Variants in DTNBP1 observed in about 807,000 individuals in gnomAD.
DTNBP1 encodes dystrobrevin binding protein 1.
A neutral mutation model predicts 42.8 loss-of-function variants in DTNBP1; 35 were observed. The ratio of observed to expected loss-of-function variants is 0.82; its 90% CI spans 0.63 to 1.09. DTNBP1 has a LOEUF of 1.09. Ranked by LOEUF, DTNBP1 falls within the 50% of genes least tolerant of loss-of-function variation. The pLI is 0.00. For missense variants in DTNBP1, 457 were observed against 424.2 expected (o/e 1.08, Z -0.68); for synonymous variants, 171 against 162.2 (o/e 1.05, Z -0.41).
At chr6:15,582,890 C>A (rs1424043884) in intron 7 of DTNBP1, among the ~76,000 whole-genome samples, 1 of 152,116 alleles carries the variant, frequency 6.6e-6, no homozygotes, top group South Asian at 2.1e-4. Context: ...AATATTATTC[C>A]AATGCTTCTT....
chr6:15,523,149 C>T lies in DTNBP1; in HGVS notation c.882G>A (p.Lys294=), dbSNP rs200370900. 2.5e-6 allele frequency: 4 copies of T among 1,614,234 alleles called. No homozygotes were observed. The East Asian group carries it at 8.9e-5, about 36-fold the overall frequency. Reference sequence around the variant, plus strand: ...TGCAGGTGGAGGAAGAAGAAGGTGGCTTGGCTCTTAATTCTGAGGGATTTG... The same window carrying T: ...TGCAGGTGGAGGAAGAAGAAGGTGGTTTGGCTCTTAATTCTGAGGGATTTG... ...QVPNPSELRA[K]PPSSSSTCTD... is the part of the protein sequence containing the mutation. The change falls in exon 10 of 10, where the codon AAG becomes AAA. Residue 294 remains lysine (K), a synonymous_variant. Coordinates refer to ENST00000344537, the MANE Select transcript of DTNBP1 (RefSeq NM_032122.5).
intron 1 of DTNBP1, 54 bp from the exon 2 acceptor site, chr6:15,652,194 T>A: frequency 7.0e-7 from 1 of 1,430,390 alleles, no homozygotes; most frequent in Non-Finnish European, 9.6e-7. Context: ...TTATTATTAT[T>A]TTTTTGAGAC....
At chr6:15,555,694 T>A (rs1256097264) in intron 7 of DTNBP1, among the ~76,000 whole-genome samples, 1 of 152,142 alleles carries the variant, frequency 6.6e-6, no homozygotes, top group Non-Finnish European at 1.5e-5. Flanking sequence ...GTTCCAGGAA[T>A]CCCCACCCCT....
chr6:15,561,050 A>G lies in DTNBP1; in HGVS notation c.512-27655T>C, dbSNP rs192268766. On this transcript the variant is annotated intron_variant, in intron 7 of 9. Transcript: ENST00000344537. Reference sequence around the variant, plus strand: ...ATGGGAGACTGGAGAGAGAAAAACTATGTTTCAATAACTATAGTACACCTG... The same window carrying G: ...ATGGGAGACTGGAGAGAGAAAAACTGTGTTTCAATAACTATAGTACACCTG... Among the ~76,000 whole-genome samples, 3 of 152,326 alleles carry G rather than the reference A, an allele frequency of 2.0e-5. No individual in the cohort carries two copies. The East Asian group carries it at 5.8e-4, about 29-fold the overall frequency.
intron 7 of DTNBP1, among the ~76,000 whole-genome samples, chr6:15,548,773 G>A (rs746510445): frequency 1.1e-4 from 17 of 152,050 alleles, no homozygotes; most frequent in Non-Finnish European, 1.9e-4. Flanking sequence ...TAATATGTCA[G>A]CACATCTAAA....
intron 7 of DTNBP1, among the ~76,000 whole-genome samples, chr6:15,582,532 T>C (rs1220325485): frequency 6.6e-6 from 1 of 152,216 alleles, no homozygotes; most frequent in Non-Finnish European, 1.5e-5. Context: ...ATACCTATAA[T>C]GGTATGACTG....
At chr6:15,582,343 G>C (rs1181483562) in intron 7 of DTNBP1, among the ~76,000 whole-genome samples, 1 of 152,102 alleles carries the variant, frequency 6.6e-6, no homozygotes, top group African/African-American at 2.4e-5. Context: ...TGGGTGACTT[G>C]TTTAACTCTC....
In DTNBP1 at chr6:15,591,318, T is replaced by C. The variant is rs561373986; in HGVS notation, c.511+1741A>G. Among the ~76,000 whole-genome samples, 568 of 152,248 alleles carry C rather than the reference T, an allele frequency of 3.7e-3. 3 individuals carry two copies. The highest frequency in any genetic ancestry group is 7.0e-3 in the Non-Finnish European group (474 of 68,004). On this transcript the variant is annotated intron_variant, in intron 7 of 9. Coordinates refer to ENST00000344537, the MANE Select transcript of DTNBP1 (RefSeq NM_032122.5). ...TTTCACCATGTTGGCCAGGCTGGTC[T>C]TGAACTCCTGACCTCAGGTGATCCC...
chr6:15,607,536 A>C (rs1330859911), intron 6 of DTNBP1, among the ~76,000 whole-genome samples: 3 of 152,152 alleles, frequency 2.0e-5, no homozygotes, highest in Admixed American at 6.5e-5. Context: ...TCCTGACCTC[A>C]CATGATCTGC....
chr6:15,529,648 C>A (rs904238745), intron 8 of DTNBP1, among the ~76,000 whole-genome samples: 1 of 152,248 alleles, frequency 6.6e-6, no homozygotes, highest in African/African-American at 2.4e-5. Flanking sequence ...TTCAGAAACA[C>A]AAGAGCCTGA....
chr6:15,627,224 C>A, intron 5 of DTNBP1, 119 bp downstream of exon 5: 1 of 1,345,926 alleles, frequency 7.4e-7, no homozygotes, highest in Non-Finnish European at 1.0e-6. Flanking sequence ...CATGATTTTC[C>A]AAAAAATCCT....
chr6:15,655,228 C>T (rs1674326891), intron 1 of DTNBP1, among the ~76,000 whole-genome samples: 1 of 151,982 alleles, frequency 6.6e-6, no homozygotes, highest in South Asian at 2.1e-4. Context: ...CTTAAGCGAT[C>T]CTCCCACCTT....
At chr6:15,567,603 G>T (rs1272699027) in intron 7 of DTNBP1, among the ~76,000 whole-genome samples, 1 of 152,116 alleles carries the variant, frequency 6.6e-6, no homozygotes, top group Non-Finnish European at 1.5e-5. Flanking sequence ...TGACCTGTAA[G>T]CCCCCTCGCT....
At position 15,598,185 on chromosome 6, in the gene DTNBP1, A is replaced by G. The variant is rs575242518; in HGVS notation, c.489-5104T>C. Among the ~76,000 whole-genome samples the G allele has an allele frequency of 5.9e-5, 9 of 152,350 alleles. 1 individual carries two copies. In the South Asian group the frequency reaches 1.9e-3, roughly 32 times the overall value. ...TATAAAGAATAAAAATGAAAGAAAG[A>G]ATCACATTAATAAGCCTATGGAATG... On this transcript the variant is annotated intron_variant, in intron 6 of 9. Transcript: ENST00000344537.
intron 6 of DTNBP1, among the ~76,000 whole-genome samples, chr6:15,600,628 C>T (rs1029173467): frequency 6.6e-6 from 1 of 152,020 alleles, no homozygotes; most frequent in African/African-American, 2.4e-5. Context: ...GCTACAAAGA[C>T]GTGGGCTAGA....
intron 6 of DTNBP1, among the ~76,000 whole-genome samples, chr6:15,605,223 T>C (rs978580767): frequency 6.6e-6 from 1 of 152,174 alleles, no homozygotes; most frequent in Non-Finnish European, 1.5e-5. Flanking sequence ...TATAACTAAT[T>C]ATTGTGAGAG....
At chr6:15,657,518 C>T (rs1470003418) in intron 1 of DTNBP1, among the ~76,000 whole-genome samples, 5 of 152,196 alleles carry the variant, frequency 3.3e-5, no homozygotes, top group Non-Finnish European at 7.4e-5. Context: ...TAATCTCCCT[C>T]TACCCCATCC....
At chr6:15,608,413 A>G (rs762507085) in intron 6 of DTNBP1, among the ~76,000 whole-genome samples, 2 of 152,244 alleles carry the variant, frequency 1.3e-5, no homozygotes, top group Non-Finnish European at 2.9e-5. Context: ...AAGACAATGC[A>G]TTAGCTTCAT....
intron 8 of DTNBP1, among the ~76,000 whole-genome samples, chr6:15,529,222 CTGCAATGAGCTATG>C (rs1772639282): frequency 6.6e-6 from 1 of 152,156 alleles, no homozygotes; most frequent in Admixed American, 6.5e-5. Flanking sequence ...GAGTTCCAGA[CTGCAATGAGCTATG>C]ACCACGCCAC....
Sources: gnomAD v4.1 joint callset for allele counts (sites outside exome capture counted in the v4.1 genomes callset) on GRCh38, gnomAD v4.1.1 for gene constraint, MANE v1.5 for transcripts, NCBI Gene and HGNC (gene_info 2026-07-23, HGNC 2026-07-21) for gene names.